FTO: variants seen among roughly 807,000 people sequenced by gnomAD.
FTO encodes alpha-ketoglutarate-dependent dioxygenase FTO.
In FTO, 47 loss-of-function variants were observed where a neutral mutation model predicts 63.9. The observed-to-expected ratio is 0.74, with a 90% CI of 0.58 to 0.94. FTO has a LOEUF of 0.94. Among genes scored for constraint, FTO ranks in the 40% least tolerant of loss-of-function variants. The pLI, the probability that FTO is intolerant of heterozygous loss-of-function variation, is 0.00. For missense variants in FTO, 562 were observed against 618.1 expected, an observed-to-expected ratio of 0.91 and a Z score of 0.96; for synonymous variants, 207 against 224.4, an observed-to-expected ratio of 0.92 and a Z score of 0.69.
At chr16:53,766,599 C>G (rs914039156) in intron 1 of FTO, among the ~76,000 whole-genome samples, 2 of 152,072 alleles carry the variant, frequency 1.3e-5, no homozygotes, top group East Asian at 3.9e-4. Context: ...CAGGTGCTAT[C>G]CCTTTGGACA....
Position 53,788,419 on chromosome 16 carries a change from A to G in FTO, c.46-21721A>G, listed in dbSNP as rs548553160. 5.2e-3 allele frequency among the ~76,000 whole-genome samples: 794 copies of G among 152,054 alleles called. 4 individuals are homozygous for G. The highest frequency in any genetic ancestry group is 9.0e-3 in the Non-Finnish European group (613 of 67,952). Reference sequence around the variant, plus strand: ...GGAGTACGAGACCAGCCTGGCCAACATGGTGAAACTCCGTCTCTACTAAAA... The same window carrying G: ...GGAGTACGAGACCAGCCTGGCCAACGTGGTGAAACTCCGTCTCTACTAAAA... On this transcript the variant is annotated intron_variant, in intron 1 of 8. Transcript: ENST00000471389.
In FTO at chr16:54,099,496, C is replaced by T. The variant is rs60580782; in HGVS notation, c.1365-12266C>T. 8.8e-3 allele frequency among the ~76,000 whole-genome samples: 1,337 copies of T among 152,230 alleles called. 18 individuals are homozygous for T. The highest frequency in any genetic ancestry group is 0.029 in the African/African-American group (1,200 of 41,518). ...CCTCCGACTTGATACATATAATCGTCCAGCTCATTTGACCTTTATATTGTT... is the reference window on the plus strand; with the variant it reads ...CCTCCGACTTGATACATATAATCGTTCAGCTCATTTGACCTTTATATTGTT... On this transcript the variant is annotated intron_variant, in intron 8 of 8. Transcript: ENST00000471389.
chr16:53,852,445 T>C (rs563696481), intron 4 of FTO, among the ~76,000 whole-genome samples: 79 of 152,308 alleles, frequency 5.2e-4, no homozygotes, highest in African/African-American at 1.8e-3. Flanking sequence ...TAGTGTGTAA[T>C]GTGGGGAATT....
intron 8 of FTO, among the ~76,000 whole-genome samples, chr16:54,060,469 C>A (rs2085542902): frequency 6.6e-6 from 1 of 152,162 alleles, no homozygotes; most frequent in African/African-American, 2.4e-5. Context: ...GAGGTCAATA[C>A]TATTATCTCC....
At chr16:53,810,348 C>T (rs1276001379) in intron 2 of FTO, 131 bp downstream of exon 2, 3 of 698,618 alleles carry the variant, frequency 4.3e-6, no homozygotes, top group African/African-American at 3.6e-5. Context: ...CATGACTTCT[C>T]ATGGCCTACA....
chr16:53,867,083 G>A (rs1436387612), intron 4 of FTO, among the ~76,000 whole-genome samples: 1 of 151,900 alleles, frequency 6.6e-6, no homozygotes, highest in African/African-American at 2.4e-5. Context: ...TTGGTAAGTT[G>A]TGTTTTCACT....
At chr16:53,889,912 C>A (rs529529186) in intron 7 of FTO, among the ~76,000 whole-genome samples, 1 of 152,244 alleles carries the variant, frequency 6.6e-6, no homozygotes, top group South Asian at 2.1e-4. Context: ...TGTAAAACTT[C>A]TTTAACTTTT....
chr16:53,995,407 T>C (rs1438131016), intron 8 of FTO, among the ~76,000 whole-genome samples: 1 of 152,244 alleles, frequency 6.6e-6, no homozygotes. Context: ...GCCCACACGA[T>C]ACCACTGAGG....
chr16:53,859,886 C>T (rs2080121722), intron 4 of FTO, among the ~76,000 whole-genome samples: 2 of 152,124 alleles, frequency 1.3e-5, no homozygotes, highest in Non-Finnish European at 1.5e-5. Context: ...GGAGGTTTCT[C>T]AAACAGTTAA....
intron 8 of FTO, among the ~76,000 whole-genome samples, chr16:53,962,624 T>C (rs986905784): frequency 5.9e-5 from 9 of 152,204 alleles, no homozygotes; most frequent in Non-Finnish European, 1.2e-4. Context: ...GCTTTCTCTC[T>C]TGACATAGAC....
intron 4 of FTO, among the ~76,000 whole-genome samples, chr16:53,867,787 G>C (rs2080370570): frequency 6.6e-6 from 1 of 152,146 alleles, no homozygotes; most frequent in Admixed American, 6.5e-5. Context: ...TTTTCTGATA[G>C]AGGGATGTTG....
intron 8 of FTO, among the ~76,000 whole-genome samples, chr16:53,984,195 C>T (rs1468139789): frequency 6.6e-6 from 1 of 152,090 alleles, no homozygotes; most frequent in Non-Finnish European, 1.5e-5. Context: ...TTAAGGCCAA[C>T]TTTTAAGGGA....
At chr16:53,842,350 C>T (rs1267634781) in intron 3 of FTO, among the ~76,000 whole-genome samples, 1 of 152,194 alleles carries the variant, frequency 6.6e-6, no homozygotes, top group African/African-American at 2.4e-5. Flanking sequence ...CAGTCACTGA[C>T]ATATCCCACA....
At chr16:54,031,863 G>C (rs2084839788) in intron 8 of FTO, among the ~76,000 whole-genome samples, 1 of 152,180 alleles carries the variant, frequency 6.6e-6, no homozygotes, top group African/African-American at 2.4e-5. Flanking sequence ...TTTTTTTAAG[G>C]TGGTTTTATA....
chr16:54,030,866 C>T (rs2144212127), intron 8 of FTO, among the ~76,000 whole-genome samples: 1 of 152,202 alleles, frequency 6.6e-6, no homozygotes, highest in African/African-American at 2.4e-5. Context: ...TTACAGATTC[C>T]CTTTAGAACA....
chr16:53,957,126 C>T (rs1036254456), intron 8 of FTO, among the ~76,000 whole-genome samples: 3 of 152,076 alleles, frequency 2.0e-5, no homozygotes, highest in African/African-American at 7.2e-5. Flanking sequence ...AGGGCATATC[C>T]CAATAAAATT....
chr16:53,921,759 G>A (rs1047230381), intron 7 of FTO, among the ~76,000 whole-genome samples: 29 of 152,008 alleles, frequency 1.9e-4, no homozygotes, highest in African/African-American at 6.8e-4. Flanking sequence ...TGCAGTTTGA[G>A]CATTTTCATT....
intron 8 of FTO, among the ~76,000 whole-genome samples, chr16:54,042,796 AC>A (rs1199246785): frequency 1.9e-5 from 1 of 51,330 alleles, no homozygotes; most frequent in African/African-American, 2.2e-4. Context: ...TGGGTCCCTG[AC>A]CCCTGACCCC....
intron 8 of FTO, among the ~76,000 whole-genome samples, chr16:54,072,813 C>T (rs775504183): frequency 2.2e-4 from 34 of 152,142 alleles, no homozygotes; most frequent in Non-Finnish European, 4.9e-4. Flanking sequence ...AGGAGCTTCC[C>T]TCTGACTCGG....
Sources: allele counts gnomAD v4.1 joint callset (sites outside exome capture counted in the v4.1 genomes callset), GRCh38; gene constraint gnomAD v4.1.1; transcripts MANE v1.5; gene names NCBI Gene and HGNC (gene_info 2026-07-23, HGNC 2026-07-21).